UBQLN1: variants seen among roughly 807,000 people sequenced by gnomAD.
UBQLN1 encodes the protein ubiquilin 1, also known as ubiquilin-1.
UBQLN1 carries 13 observed loss-of-function variants against 65.4 expected under a neutral mutation model. The ratio of observed to expected loss-of-function variants is 0.20; its 90% CI spans 0.13 to 0.32. The LOEUF (loss-of-function observed/expected upper bound fraction) is 0.32. UBQLN1 is among the 10% of genes least tolerant of loss of function. The pLI is 1.00. For missense variants in UBQLN1, 561 were observed against 724.0 expected (o/e 0.77, Z 2.58); for synonymous variants, 267 against 247.8 (o/e 1.08, Z -0.73).
chr9:83,679,699 T>A (rs1042508206), intron 4 of UBQLN1, 76 bp downstream of exon 4: 5 of 1,491,324 alleles, frequency 3.4e-6, no homozygotes, highest in Non-Finnish European at 4.6e-6. Flanking sequence ...TACAGGACAA[T>A]CTCATTAACC....
At chr9:83,701,061 T>C (rs900637907) in intron 1 of UBQLN1, among the ~76,000 whole-genome samples, 2 of 152,178 alleles carry the variant, frequency 1.3e-5, no homozygotes, top group Non-Finnish European at 2.9e-5. Context: ...ACGTAATCTA[T>C]AAAATACGCC....
intron 1 of UBQLN1, among the ~76,000 whole-genome samples, chr9:83,705,876 G>GGGATCCTAGA (rs1832395480): frequency 6.6e-6 from 1 of 151,788 alleles, no homozygotes; most frequent in African/African-American, 2.4e-5. Context: ...AGTACTATAG[G>GGGATCCTAGA]CTCTATGGGA....
Position 83,664,121 on chromosome 9 carries a change from T to TATA in UBQLN1, c.1449-81_1449-79dup, listed in dbSNP as rs1831606259. ...AGTCCGTAAATCAGTTACATTTTAATATAAGCTAAGCCATCTTCTTAAAAT... is the reference window on the plus strand; with the variant it reads ...AGTCCGTAAATCAGTTACATTTTAATATAATAAGCTAAGCCATCTTCTTAAAAT... On this transcript the variant is annotated intron_variant, in intron 9 of 10. Coordinates refer to ENST00000376395, the MANE Select transcript of UBQLN1 (RefSeq NM_013438.5). 5 of 1,480,642 alleles carry TATA rather than the reference T, an allele frequency of 3.4e-6. No individual in the cohort carries two copies. The South Asian group carries it at 6.6e-5, about 19-fold the overall frequency. 91.7% of individuals were successfully genotyped at this position (1,480,642 alleles called of 1,614,324 possible).
At chr9:83,682,616 C>A (rs1226346564) in intron 3 of UBQLN1, among the ~76,000 whole-genome samples, 9 of 152,162 alleles carry the variant, frequency 5.9e-5, no homozygotes, top group Admixed American at 1.3e-4. Context: ...CTGATCCCTT[C>A]CTTTTACAAA....
At chr9:83,704,684 G>C (rs1405635153) in intron 1 of UBQLN1, among the ~76,000 whole-genome samples, 3 of 152,026 alleles carry the variant, frequency 2.0e-5, no homozygotes, top group African/African-American at 7.2e-5. Flanking sequence ...AATTAGCCGG[G>C]TGTGGTGTGG....
At chr9:83,673,662 A>T (rs982118832) in intron 6 of UBQLN1, among the ~76,000 whole-genome samples, 4 of 152,088 alleles carry the variant, frequency 2.6e-5, no homozygotes, top group Non-Finnish European at 5.9e-5. Context: ...AAACTATATG[A>T]AATTCAAATT....
At chr9:83,707,105 CAGCCTGAGCTAA>C (rs1041875567) in intron 1 of UBQLN1, among the ~76,000 whole-genome samples, 35 of 152,274 alleles carry the variant, frequency 2.3e-4, no homozygotes, top group Non-Finnish European at 4.4e-4. Flanking sequence ...AACAAAACCG[CAGCCTGAGCTAA>C]AGCGAACCCT....
At chr9:83,665,694 C>T (rs1831633402) in intron 8 of UBQLN1, among the ~76,000 whole-genome samples, 1 of 152,146 alleles carries the variant, frequency 6.6e-6, no homozygotes, top group African/African-American at 2.4e-5. Flanking sequence ...ATCAAGGACA[C>T]CAACCTTGGA....
intron 1 of UBQLN1, among the ~76,000 whole-genome samples, chr9:83,692,402 T>C (rs1456144419): frequency 6.6e-6 from 1 of 152,214 alleles, no homozygotes; most frequent in Non-Finnish European, 1.5e-5. Context: ...GTCTGTTTAA[T>C]CTACACTTTT....
chr9:83,680,780 TGAG>T (rs963625787), intron 3 of UBQLN1, among the ~76,000 whole-genome samples: 8 of 152,206 alleles, frequency 5.3e-5, no homozygotes, highest in African/African-American at 1.9e-4. Flanking sequence ...TTATTGAACC[TGAG>T]GAGGAGGTCA....
chr9:83,686,360 C>G (rs1375720411), intron 1 of UBQLN1, among the ~76,000 whole-genome samples: 2 of 152,052 alleles, frequency 1.3e-5, no homozygotes, highest in Non-Finnish European at 2.9e-5. Flanking sequence ...CCACTGCACT[C>G]CAGCCTGGGT....
chr9:83,678,085 G>C (rs1049196749), intron 5 of UBQLN1, 124 bp from the exon 6 acceptor site: 44 of 738,384 alleles, frequency 6.0e-5, no homozygotes, highest in Non-Finnish European at 8.5e-5. Context: ...GCAGTGGCGC[G>C]ATCTCGGCTC....
At position 83,669,253 on chromosome 9, in the gene UBQLN1, T is replaced by C. The variant is rs377477362; in HGVS notation, c.1180A>G (p.Met394Val). The C allele has an allele frequency of 2.5e-5, 40 of 1,612,694 alleles. No homozygotes were observed. The highest frequency in any genetic ancestry group is 3.3e-5 in the Non-Finnish European group (39 of 1,179,808). Residue 394 changes from methionine (M) to valine (V), a missense_variant, in exon 7 of 11, where the codon ATG becomes GTG. This residue lies in a region of UBQLN1 where 102 missense variants were observed against 150.7 expected (regional missense o/e 0.68). Transcript: ENST00000376395. ...CTTCTCATGTAGGGGGCAGACAACA[T>C]GTTTTGCATCAGTTGTGGGTTTTCA... ...ITENPQLMQN[M>V]LSAPYMRSMM...
chr9:83,664,157 G>T, intron 9 of UBQLN1, 114 bp from the exon 10 acceptor site: 1 of 1,208,696 alleles, frequency 8.3e-7, no homozygotes, highest in Non-Finnish European at 1.1e-6. Flanking sequence ...AAGCCCTTTT[G>T]GCCTGGTGCA....
In UBQLN1 at chr9:83,669,380, GT is replaced by G. The variant is rs1375746639; in HGVS notation, c.1106-54del. 1.5e-5 allele frequency: 22 copies of G among 1,499,496 alleles called. No homozygotes were observed. The African/African-American group carries it at 2.8e-4, about 19-fold the overall frequency. The allele number at this position is 1,499,496 out of a possible 1,614,324, so 92.9% of individuals were successfully genotyped here. A position where few individuals can be genotyped will look rare whatever the true frequency, so the allele number is the denominator to read the frequency against. Reference sequence around the variant, plus strand: ...ATTAAGGAAAAATACTTAAACAAAAGTTAAAGCTTTAAAATATAATATGCAC... The same window carrying G: ...ATTAAGGAAAAATACTTAAACAAAAGTAAAGCTTTAAAATATAATATGCAC... On this transcript the variant is annotated intron_variant, in intron 6 of 10. Coordinates refer to ENST00000376395, the MANE Select transcript of UBQLN1 (RefSeq NM_013438.5).
chr9:83,677,602 A>T, intron 6 of UBQLN1, 125 bp downstream of exon 6: 2 of 700,236 alleles, frequency 2.9e-6, no homozygotes, highest in East Asian at 2.8e-5. Context: ...AACATGAAAA[A>T]TATAGTTTAT....
chr9:83,685,930 G>A, intron 2 of UBQLN1, 74 bp downstream of exon 2: 1 of 1,307,384 alleles, frequency 7.6e-7, no homozygotes. Context: ...GTAATTTACA[G>A]CCAACACTAG....
chr9:83,661,934 C>T lies in UBQLN1; in HGVS notation c.1623G>A (p.Gln541=), dbSNP rs1430455846. The change falls in exon 11 of 11, where the codon CAG becomes CAA. Residue 541 remains glutamine (Q), a synonymous_variant. Coordinates refer to ENST00000376395, the MANE Select transcript of UBQLN1 (RefSeq NM_013438.5). The part of the protein sequence containing the change: ...QALAGVNPQL[Q]NPEVRFQQQL... The stretch of plus-strand genomic sequence containing the variant: ...GTTGCTGAAATCTGACTTCTGGATT[C>T]TGTAGCTATTAAAGAAAAAAAAAAT... 1 of 1,608,944 alleles carries T rather than the reference C, an allele frequency of 6.2e-7. No homozygotes were observed. The highest frequency in any genetic ancestry group is 1.3e-5 in the African/African-American group (1 of 74,632).
intron 2 of UBQLN1, among the ~76,000 whole-genome samples, chr9:83,684,855 G>T (rs1421289930): frequency 1.6e-5 from 2 of 128,642 alleles, no homozygotes; most frequent in Non-Finnish European, 3.5e-5. Context: ...AACCCTTCCA[G>T]ATGATACCAG....
Sources: allele counts gnomAD v4.1 joint callset (sites outside exome capture counted in the v4.1 genomes callset), GRCh38; gene constraint gnomAD v4.1.1; regional missense constraint gnomAD v4.1.1; transcripts MANE v1.5; gene names NCBI Gene and HGNC (gene_info 2026-07-23, HGNC 2026-07-21).